Variants in GPC6 observed in about 807,000 individuals in gnomAD.
GPC6 encodes the protein glypican-6.
A neutral mutation model predicts 55.2 loss-of-function variants in GPC6; 14 were observed. The observed-to-expected ratio is 0.25, with a 90% CI of 0.17 to 0.40. GPC6 has a LOEUF of 0.40. Among genes scored for constraint, GPC6 ranks in the 10% least tolerant of loss-of-function variants. The pLI, the probability that GPC6 is intolerant of heterozygous loss-of-function variation, is 1.00. For missense variants in GPC6, 641 were observed against 708.5 expected (o/e 0.90, Z 1.08); for synonymous variants, 278 against 259.6 (o/e 1.07, Z -0.68).
At chr13:93,319,350 G>T (rs756703563) in intron 1 of GPC6, among the ~76,000 whole-genome samples, 39 of 152,042 alleles carry the variant, frequency 2.6e-4, no homozygotes, top group African/African-American at 8.2e-4. Context: ...ACAAGAAGGG[G>T]AAAAACCCAC....
intron 2 of GPC6, among the ~76,000 whole-genome samples, chr13:93,616,818 C>T (rs1878743364): frequency 6.6e-6 from 1 of 152,038 alleles, no homozygotes; most frequent in African/African-American, 2.4e-5. Context: ...CATTCAACAC[C>T]ATTGACGTGC....
At chr13:94,337,330 A>C (rs1877759784) in intron 6 of GPC6, among the ~76,000 whole-genome samples, 1 of 152,200 alleles carries the variant, frequency 6.6e-6, no homozygotes. Context: ...ATAAAAATAT[A>C]AATTTTATTT....
intron 6 of GPC6, among the ~76,000 whole-genome samples, chr13:94,312,766 T>A (rs921561898): frequency 2.7e-5 from 4 of 150,508 alleles, no homozygotes; most frequent in Non-Finnish European, 5.9e-5. Context: ...AGTCTTCGCT[T>A]GGCCTGAACA....
intron 1 of GPC6, among the ~76,000 whole-genome samples, chr13:93,473,535 G>C (rs901654723): frequency 3.3e-5 from 5 of 152,218 alleles, no homozygotes; most frequent in South Asian, 4.1e-4. Context: ...GCAGAATCCA[G>C]AGATGCCTGG....
At chr13:93,706,935 A>T (rs191139271) in intron 2 of GPC6, among the ~76,000 whole-genome samples, 15 of 151,898 alleles carry the variant, frequency 9.9e-5, no homozygotes. Context: ...ATGAGAGGGA[A>T]TTGCACTCAT....
At chr13:93,819,513 T>C (rs565333892) in intron 2 of GPC6, among the ~76,000 whole-genome samples, 2 of 152,208 alleles carry the variant, frequency 1.3e-5, no homozygotes, top group Admixed American at 1.3e-4. Flanking sequence ...TAAACAGGCA[T>C]CCCACACTCT....
chr13:93,219,964 T>C, the GPC6 span, among the ~76,000 whole-genome samples: 170 of 152,338 alleles, frequency 1.1e-3, 1 homozygote, highest in Non-Finnish European at 1.3e-3. Context: ...CCTTCTAAGC[T>C]GATGTTGCAT....
intron 1 of GPC6, among the ~76,000 whole-genome samples, chr13:93,444,830 CACAT>C (rs1365792418): frequency 6.6e-6 from 1 of 152,094 alleles, no homozygotes; most frequent in African/African-American, 2.4e-5. Flanking sequence ...CAGTTCATTT[CACAT>C]ACATTTTATT....
chr13:94,288,954 T>TAG lies in GPC6; in HGVS notation c.1008+2476_1008+2477insGA, dbSNP rs1193101187. On this transcript the variant is annotated intron_variant, in intron 5 of 8. Transcript: ENST00000377047. The stretch of plus-strand genomic sequence containing the variant: ...ATATAGATAGATAGATAGATAGATA[T>TAG]ATAGATAGATAGATAGATAATATAT... Among the ~76,000 whole-genome samples, 731 of 92,574 alleles carry TAG rather than the reference T, an allele frequency of 7.9e-3. 11 individuals carry two copies. The highest frequency in any genetic ancestry group is 0.019 in the East Asian group (55 of 2,970). The allele number at this position is 92,574 out of a possible 152,430, so 60.7% of individuals were successfully genotyped here.
At chr13:93,404,794 CA>C (rs1435295117) in intron 1 of GPC6, among the ~76,000 whole-genome samples, 4 of 151,738 alleles carry the variant, frequency 2.6e-5, no homozygotes, top group Admixed American at 6.6e-5. Context: ...AGATTTCTAT[CA>C]ATCTGATATT....
intron 3 of GPC6, among the ~76,000 whole-genome samples, chr13:93,918,610 T>C (rs981707196): frequency 7.2e-5 from 11 of 152,164 alleles, no homozygotes; most frequent in African/African-American, 1.9e-4. Flanking sequence ...CTCATACACA[T>C]CCATGTTGTA....
intron 1 of GPC6, among the ~76,000 whole-genome samples, chr13:93,462,280 G>A (rs1878720229): frequency 6.6e-6 from 1 of 152,108 alleles, no homozygotes; most frequent in African/African-American, 2.4e-5. Flanking sequence ...AGCAGACGGA[G>A]AATGATGATG....
intron 4 of GPC6, among the ~76,000 whole-genome samples, chr13:94,068,118 C>A (rs953774436): frequency 1.3e-5 from 2 of 152,048 alleles, no homozygotes; most frequent in Non-Finnish European, 2.9e-5. Flanking sequence ...GGGCAATGTA[C>A]AAAAGAAAGA....
At chr13:94,318,513 A>G (rs1236352385) in intron 6 of GPC6, among the ~76,000 whole-genome samples, 1 of 152,190 alleles carries the variant, frequency 6.6e-6, no homozygotes, top group African/African-American at 2.4e-5. Flanking sequence ...TGCGCTCTCT[A>G]AATATCTTAT....
Position 93,954,297 on chromosome 13 carries a change from G to A in GPC6, c.712-73432G>A, listed in dbSNP as rs77517912. On this transcript the variant is annotated intron_variant, in intron 3 of 8. Coordinates refer to ENST00000377047, the MANE Select transcript of GPC6 (RefSeq NM_005708.5). ...TAAAAGTTTTGAAAAATATTCTTCT[G>A]CATACACAGTGCCTTTATTTTTATT... is the stretch of plus-strand genomic sequence containing the variant. Among the ~76,000 whole-genome samples, 637 of 152,126 alleles carry A rather than the reference G, an allele frequency of 4.2e-3. 6 individuals carry two copies. The highest frequency in any genetic ancestry group is 0.015 in the African/African-American group (618 of 41,520).
intron 4 of GPC6, among the ~76,000 whole-genome samples, chr13:94,162,395 C>G (rs975484580): frequency 6.6e-6 from 1 of 152,214 alleles, no homozygotes; most frequent in Non-Finnish European, 1.5e-5. Context: ...TCCTTGAGAA[C>G]CAATCAGCTG....
At chr13:93,957,164 T>C (rs537413216) in intron 3 of GPC6, among the ~76,000 whole-genome samples, 1 of 152,270 alleles carries the variant, frequency 6.6e-6, no homozygotes, top group Non-Finnish European at 1.5e-5. Context: ...ATATGATCTG[T>C]AATAGTAAAT....
chr13:93,887,960 G>A (rs1875445770), intron 3 of GPC6, among the ~76,000 whole-genome samples: 1 of 152,044 alleles, frequency 6.6e-6, no homozygotes. Flanking sequence ...TCCATCTGGG[G>A]ACCAGTCCAT....
intron 3 of GPC6, among the ~76,000 whole-genome samples, chr13:93,925,392 G>A (rs1179568508): frequency 6.6e-6 from 1 of 151,984 alleles, no homozygotes; most frequent in Non-Finnish European, 1.5e-5. Flanking sequence ...TTATTCCTGG[G>A]AATAGAAGAA....
Sources: gnomAD v4.1 joint callset for allele counts (sites outside exome capture counted in the v4.1 genomes callset) on GRCh38, gnomAD v4.1.1 for gene constraint, MANE v1.5 for transcripts, NCBI Gene and HGNC (gene_info 2026-07-23, HGNC 2026-07-21) for gene names.